ACVR2A: variants seen among roughly 807,000 people sequenced by gnomAD.
ACVR2A encodes the protein activin A receptor type 2A.
ACVR2A carries 7 observed loss-of-function variants against 61.4 expected under a neutral mutation model. The ratio of observed to expected loss-of-function variants is 0.11; its 90% CI spans 0.06 to 0.21. The LOEUF is 0.21. Among genes scored for constraint, ACVR2A ranks in the 10% least tolerant of loss-of-function variants. ACVR2A has a pLI of 1.00. For missense variants in ACVR2A, 322 were observed against 621.7 expected, an observed-to-expected ratio of 0.52 and a Z score of 5.13; for synonymous variants, 193 against 208.3, an observed-to-expected ratio of 0.93 and a Z score of 0.63.
At chr2:147,924,739 C>T (rs1687463027) in intron 9 of ACVR2A, among the ~76,000 whole-genome samples, 1 of 151,838 alleles carries the variant, frequency 6.6e-6, no homozygotes, top group Non-Finnish European at 1.5e-5. Context: ...AATTCTCAAA[C>T]TTTAATGTGT....
At chr2:147,852,237 G>T (rs781701412) in intron 1 of ACVR2A, among the ~76,000 whole-genome samples, 4 of 151,862 alleles carry the variant, frequency 2.6e-5, no homozygotes, top group Non-Finnish European at 2.9e-5. Flanking sequence ...TAGTAGTAGG[G>T]GTGTATGTAT....
chr2:147,920,411 T>C, intron 8 of ACVR2A, 67 bp downstream of exon 8: 1 of 1,222,280 alleles, frequency 8.2e-7, no homozygotes, highest in Non-Finnish European at 1.2e-6. Context: ...GAATGGCATG[T>C]CAGGACTGAA....
chr2:147,855,756 AAAAAG>A (rs1354607822), intron 1 of ACVR2A, among the ~76,000 whole-genome samples: 2 of 152,278 alleles, frequency 1.3e-5, no homozygotes. Flanking sequence ...AATTCTCAGA[AAAAAG>A]AAATAATGAA....
At chr2:147,864,786 T>C (rs184343596) in intron 1 of ACVR2A, among the ~76,000 whole-genome samples, 6 of 152,322 alleles carry the variant, frequency 3.9e-5, no homozygotes, top group Admixed American at 3.9e-4. Context: ...ATCCACTTAG[T>C]TGTTGAAATC....
chr2:147,926,983 C>T, intron 10 of ACVR2A, 97 bp from the exon 11 acceptor site: 1 of 1,177,896 alleles, frequency 8.5e-7, no homozygotes, highest in East Asian at 2.6e-5. Context: ...ACTTCTTTGA[C>T]CCAGAAAAAT....
chr2:147,867,538 C>T (rs1685893492), intron 1 of ACVR2A, among the ~76,000 whole-genome samples: 1 of 151,978 alleles, frequency 6.6e-6, no homozygotes, highest in African/African-American at 2.4e-5. Context: ...CCATCCTTAC[C>T]ATCTCGTATC....
At chr2:147,893,361 T>C (rs1342934267) in intron 1 of ACVR2A, among the ~76,000 whole-genome samples, 1 of 152,234 alleles carries the variant, frequency 6.6e-6, no homozygotes, top group Non-Finnish European at 1.5e-5. Flanking sequence ...GATTTTTACA[T>C]GGACTTATGT....
At chr2:147,846,383 G>GGT (rs150022727) in intron 1 of ACVR2A, among the ~76,000 whole-genome samples, 65 of 150,108 alleles carry the variant, frequency 4.3e-4, no homozygotes, top group Middle Eastern at 3.4e-3. Context: ...ACCTCTGTGG[G>GGT]GTGTGTGTGT....
intron 1 of ACVR2A, among the ~76,000 whole-genome samples, chr2:147,875,760 A>G (rs1262483709): frequency 1.3e-5 from 2 of 152,124 alleles, no homozygotes; most frequent in Non-Finnish European, 2.9e-5. Flanking sequence ...ATGTTGGTGT[A>G]TGTTTCACAT....
At chr2:147,892,221 C>A (rs1014379270) in intron 1 of ACVR2A, among the ~76,000 whole-genome samples, 3 of 152,026 alleles carry the variant, frequency 2.0e-5, no homozygotes, top group Non-Finnish European at 4.4e-5. Flanking sequence ...CCGCCTGCCT[C>A]GGCTTCCCAA....
At chr2:147,915,934 A>T (rs561024101) in intron 5 of ACVR2A, among the ~76,000 whole-genome samples, 6 of 151,928 alleles carry the variant, frequency 3.9e-5, no homozygotes, top group Admixed American at 3.9e-4. Context: ...CGTTGGTGGT[A>T]TAGATTTATG....
intron 7 of ACVR2A, among the ~76,000 whole-genome samples, chr2:147,919,168 C>T (rs1267979931): frequency 2.0e-5 from 3 of 152,192 alleles, no homozygotes; most frequent in African/African-American, 7.2e-5. Flanking sequence ...TCTTGTGTTC[C>T]ATTTAAAGAT....
rs1257673905 is a variant in ACVR2A at position 147,923,074 on chromosome 2, C to T, written c.1179C>T (p.Val393=). 1.2e-6 allele frequency: 2 copies of T among 1,612,882 alleles called. No homozygotes were observed. The highest frequency in any genetic ancestry group is 1.7e-5 in the Admixed American group (1 of 59,868). ...TAGATATGTATGCCATGGGATTAGT[C>T]CTATGGGAACTGGCTTCTCGCTGTA... ...LRIDMYAMGL[V]LWELASRCTA... Residue 393 remains valine (V), a synonymous_variant, in exon 9 of 11, where the codon GTC becomes GTT. Transcript: ENST00000241416.
At chr2:147,848,789 A>G (rs539058976) in intron 1 of ACVR2A, among the ~76,000 whole-genome samples, 119 of 152,194 alleles carry the variant, frequency 7.8e-4, no homozygotes, top group Non-Finnish European at 1.2e-3. Context: ...AGACCTTCAC[A>G]TGTACCCCCA....
chr2:147,880,162 G>T (rs1686264254), intron 1 of ACVR2A, among the ~76,000 whole-genome samples: 1 of 152,038 alleles, frequency 6.6e-6, no homozygotes, highest in African/African-American at 2.4e-5. Context: ...TGTTATGGTT[G>T]CTGCTCTGTA....
intron 1 of ACVR2A, among the ~76,000 whole-genome samples, chr2:147,886,344 A>G (rs879706608): frequency 2.0e-5 from 3 of 152,196 alleles, no homozygotes; most frequent in Admixed American, 2.0e-4. Context: ...CCAGAGGACT[A>G]AGTTGCCTGT....
At chr2:147,888,723 A>G (rs1573681121) in intron 1 of ACVR2A, among the ~76,000 whole-genome samples, 1 of 147,856 alleles carries the variant, frequency 6.8e-6, no homozygotes, top group Admixed American at 6.8e-5. Flanking sequence ...ATTCCTCCGT[A>G]TACCAGCATG....
Position 147,929,534 on chromosome 2 carries a change from A to C in ACVR2A, c.*2260A>C, listed in dbSNP as rs1416450717. 6.6e-6 allele frequency: 1 copy of C among 152,464 alleles called. No individual in the cohort carries two copies. Among genetic ancestry groups the C allele is most frequent in the Non-Finnish European group, 1.5e-5 (1 of 67,980 alleles). The allele number at this position is 152,464 out of a possible 1,614,324, so 9.4% of individuals were successfully genotyped here. A position where few individuals can be genotyped will look rare whatever the true frequency, so the allele number is the denominator to read the frequency against. ...GTATTGTATTTAACTGTAGCTAACC[A>C]ATTTTAAAACTTGTATTCTTTTGAG... On this transcript the variant is annotated 3_prime_UTR_variant, in exon 11 of 11. Coordinates refer to ENST00000241416, the MANE Select transcript of ACVR2A (RefSeq NM_001616.5).
chr2:147,872,826 T>TG (rs1411806539), intron 1 of ACVR2A, among the ~76,000 whole-genome samples: 4 of 151,860 alleles, frequency 2.6e-5, no homozygotes, highest in African/African-American at 9.7e-5. Context: ...TTTACCTTCT[T>TG]GGAGGCACAT....
Sources: allele counts gnomAD v4.1 joint callset (sites outside exome capture counted in the v4.1 genomes callset), GRCh38; gene constraint gnomAD v4.1.1; transcripts MANE v1.5; gene names NCBI Gene and HGNC (gene_info 2026-07-23, HGNC 2026-07-21).